The following PDGFC variants were observed in gnomAD, a reference collection of about 807,000 sequenced individuals.
PDGFC encodes the protein platelet-derived growth factor C.
In PDGFC, 12 loss-of-function variants were observed where a neutral mutation model predicts 35.5. That is an observed-to-expected ratio of 0.34 (90% confidence interval 0.22 to 0.55). The LOEUF is 0.55. Ranked by LOEUF, PDGFC falls within the 20% of genes least tolerant of loss-of-function variation. The probability of loss-of-function intolerance (pLI) is 0.91; values close to 1 mark genes in which losing one functional copy is unlikely to be tolerated. For synonymous variants in PDGFC, 159 were observed against 148.8 expected (o/e 1.07, Z -0.50); for missense variants, 322 against 412.4 (o/e 0.78, Z 1.90).
chr4:156,918,125 A>T (rs1731192423), intron 1 of PDGFC, among the ~76,000 whole-genome samples: 1 of 152,216 alleles, frequency 6.6e-6, no homozygotes, highest in African/African-American at 2.4e-5. Flanking sequence ...TCAAATCATA[A>T]TTAAATACAT....
chr4:156,923,343 C>G (rs1045649297), intron 1 of PDGFC, among the ~76,000 whole-genome samples: 3 of 152,178 alleles, frequency 2.0e-5, no homozygotes, highest in Admixed American at 2.0e-4. Flanking sequence ...TTCACATCTC[C>G]AGCCTTTGAG....
At chr4:156,858,874 A>G (rs1324655053) in intron 1 of PDGFC, among the ~76,000 whole-genome samples, 2 of 152,104 alleles carry the variant, frequency 1.3e-5, no homozygotes. Flanking sequence ...TTAATTTTCT[A>G]CCTGTGTTGG....
chr4:156,767,149 G>A (rs556673699), intron 5 of PDGFC, among the ~76,000 whole-genome samples: 3 of 151,822 alleles, frequency 2.0e-5, no homozygotes, highest in Non-Finnish European at 4.4e-5. Context: ...CCATCACTAA[G>A]AAAAACATTA....
Position 156,824,327 on chromosome 4 carries a change from T to TACAC in PDGFC, c.315-13314_315-13311dup, listed in dbSNP as rs1204930651. 4.8e-3 allele frequency among the ~76,000 whole-genome samples: 497 copies of TACAC among 102,746 alleles called. 1 individual carries two copies. Among genetic ancestry groups the TACAC allele is most frequent in the Non-Finnish European group, 5.7e-3 (302 of 53,350 alleles). The allele number at this position is 102,746 out of a possible 152,430, so 67.4% of individuals were successfully genotyped here. A position where few individuals can be genotyped will look rare whatever the true frequency, so the allele number is the denominator to read the frequency against. On this transcript the variant is annotated intron_variant, in intron 2 of 5. Transcript: ENST00000502773. ...ATATATATATATATATATATATATA[T>TACAC]ACACACACACACACACACACACATA...
chr4:156,806,819 C>A (rs1331165256), intron 3 of PDGFC, among the ~76,000 whole-genome samples: 2 of 151,944 alleles, frequency 1.3e-5, no homozygotes, highest in African/African-American at 4.8e-5. Flanking sequence ...TGCTACAGTA[C>A]ACAGAGTAAA....
At chr4:156,775,310 A>T (rs1385082316) in intron 3 of PDGFC, among the ~76,000 whole-genome samples, 1 of 152,170 alleles carries the variant, frequency 6.6e-6, no homozygotes, top group Admixed American at 6.6e-5. Context: ...AATGTTTTAT[A>T]AAGTAAAAAT....
At chr4:156,932,906 AAAG>A (rs1179646842) in intron 1 of PDGFC, among the ~76,000 whole-genome samples, 2 of 152,112 alleles carry the variant, frequency 1.3e-5, no homozygotes, top group Admixed American at 6.6e-5. Flanking sequence ...TTAAAAAAAA[AAAG>A]AAGTTTCTAA....
At chr4:156,922,519 T>A (rs1313201211) in intron 1 of PDGFC, among the ~76,000 whole-genome samples, 1 of 152,154 alleles carries the variant, frequency 6.6e-6, no homozygotes, top group Non-Finnish European at 1.5e-5. Context: ...CAGAGTGCCC[T>A]CTAGTATGAC....
chr4:156,891,281 A>G (rs1730500737), intron 1 of PDGFC, among the ~76,000 whole-genome samples: 2 of 4,784 alleles, frequency 4.2e-4, no homozygotes, highest in South Asian at 0.019. Context: ...CTCCGTCTCA[A>G]AAAAAAAAAA....
chr4:156,802,121 C>T (rs1731628147), intron 3 of PDGFC, among the ~76,000 whole-genome samples: 1 of 152,132 alleles, frequency 6.6e-6, no homozygotes, highest in African/African-American at 2.4e-5. Flanking sequence ...CCCTCAAATT[C>T]ATCGTTGGAG....
intron 1 of PDGFC, among the ~76,000 whole-genome samples, chr4:156,864,836 C>T (rs1729797765): frequency 6.6e-6 from 1 of 152,082 alleles, no homozygotes; most frequent in Admixed American, 6.6e-5. Context: ...AATTATAAAA[C>T]TAGCCTTCAA....
At chr4:156,938,261 C>A (rs1731728538) in intron 1 of PDGFC, among the ~76,000 whole-genome samples, 1 of 151,886 alleles carries the variant, frequency 6.6e-6, no homozygotes, top group Non-Finnish European at 1.5e-5. Flanking sequence ...ATGTAGATAC[C>A]AAGGTATTCA....
At chr4:156,941,246 G>A (rs1439294331) in intron 1 of PDGFC, among the ~76,000 whole-genome samples, 1 of 151,950 alleles carries the variant, frequency 6.6e-6, no homozygotes, top group Non-Finnish European at 1.5e-5. Context: ...ATAATGAAGG[G>A]GTTCTTCAAT....
chr4:156,837,557 A>G (rs997203032), intron 2 of PDGFC, among the ~76,000 whole-genome samples: 5 of 152,240 alleles, frequency 3.3e-5, no homozygotes, highest in Non-Finnish European at 7.3e-5. Context: ...AAAAGACTGC[A>G]TCATTATTTC....
intron 3 of PDGFC, among the ~76,000 whole-genome samples, chr4:156,782,918 T>A (rs1209827221): frequency 1.3e-5 from 2 of 152,178 alleles, no homozygotes; most frequent in Non-Finnish European, 2.9e-5. Flanking sequence ...ATAGCCATTG[T>A]GAGGTTCGTA....
intron 3 of PDGFC, among the ~76,000 whole-genome samples, chr4:156,801,692 A>G (rs1731617322): frequency 6.6e-6 from 1 of 152,214 alleles, no homozygotes; most frequent in African/African-American, 2.4e-5. Flanking sequence ...GCACATCAAT[A>G]TATGAATTCC....
At chr4:156,889,458 A>G (rs1730451931) in intron 1 of PDGFC, among the ~76,000 whole-genome samples, 1 of 152,190 alleles carries the variant, frequency 6.6e-6, no homozygotes, top group Non-Finnish European at 1.5e-5. Context: ...TAGTACAGTT[A>G]AAATATTTGG....
intron 1 of PDGFC, among the ~76,000 whole-genome samples, chr4:156,910,249 C>A (rs1169535024): frequency 1.3e-5 from 2 of 152,060 alleles, no homozygotes; most frequent in East Asian, 3.9e-4. Flanking sequence ...CACAAAGTTG[C>A]AAAAATAGTG....
At chr4:156,928,315 T>C (rs1041350603) in intron 1 of PDGFC, among the ~76,000 whole-genome samples, 5 of 152,130 alleles carry the variant, frequency 3.3e-5, no homozygotes, top group African/African-American at 1.2e-4. Flanking sequence ...GGTCTTGAAC[T>C]CCTGGGCTCA....
Sources: allele counts gnomAD v4.1 joint callset (sites outside exome capture counted in the v4.1 genomes callset), GRCh38; gene constraint gnomAD v4.1.1; transcripts MANE v1.5; gene names NCBI Gene and HGNC (gene_info 2026-07-23, HGNC 2026-07-21).